Variants in LGI1 observed in about 807,000 individuals in gnomAD.
The protein encoded by LGI1 is leucine rich glioma inactivated 1, also known as leucine-rich glioma-inactivated protein 1.
A neutral mutation model predicts 57.7 loss-of-function variants in LGI1; 11 were observed. The observed-to-expected ratio is 0.19, with a 90% CI of 0.12 to 0.32. LGI1 has a LOEUF of 0.32. LGI1 is among the 10% of genes least tolerant of loss of function. LGI1 has a pLI of 1.00. For missense variants in LGI1, 422 were observed against 661.9 expected (o/e 0.64, Z 3.98); for synonymous variants, 222 against 241.9 (o/e 0.92, Z 0.76).
At chr10:93,762,845 G>A (rs1010145537) in intron 2 of LGI1, 1 of 152,052 alleles carries the variant, frequency 6.6e-6, no homozygotes, top group East Asian at 1.9e-4. Context: ...ATTAATTCTC[G>A]TAACTGCACA....
chr10:93,758,977 T>C lies in LGI1; in HGVS notation c.287+146T>C, dbSNP rs1705200921. On this transcript the variant is annotated intron_variant, in intron 2 of 7. Transcript: ENST00000371418. The surrounding 1 kb of genome is among the most constrained non-coding windows in gnomAD (Gnocchi z 4.7). Reference sequence around the variant, plus strand: ...TCCGTAAAGTGAGAGGTAGATGGGTTTGTTTGCGACTTCACACCAACAGTG... The same window carrying C: ...TCCGTAAAGTGAGAGGTAGATGGGTCTGTTTGCGACTTCACACCAACAGTG... 1.5e-6 allele frequency: 1 copy of C among 687,566 alleles called. No individual in the cohort carries two copies. 42.6% of individuals were successfully genotyped at this position (687,566 alleles called of 1,614,324 possible).
intron 4 of LGI1, among the ~76,000 whole-genome samples, chr10:93,779,873 G>T (rs1029523273): frequency 1.3e-5 from 2 of 152,210 alleles, no homozygotes; most frequent in African/African-American, 4.8e-5. Flanking sequence ...GGGAACAGGG[G>T]TTAAGGCTGT....
chr10:93,758,384 T>C lies in LGI1; in HGVS notation c.215+25T>C. The C allele has an allele frequency of 6.2e-7, 1 of 1,604,696 alleles. No homozygotes were observed. The highest frequency in any genetic ancestry group is 8.5e-7 in the Non-Finnish European group (1 of 1,171,602). On this transcript the variant is annotated intron_variant, in intron 1 of 7. Transcript: ENST00000371418. The surrounding 1 kb of genome is among the most constrained non-coding windows in gnomAD (Gnocchi z 4.7). Reference sequence around the variant, plus strand: ...TGTAAGGCCCGTAAGCATTTTGATATCTAATTTACGATTTAAAAATTCCAG... The same window carrying C: ...TGTAAGGCCCGTAAGCATTTTGATACCTAATTTACGATTTAAAAATTCCAG...
intron 4 of LGI1, among the ~76,000 whole-genome samples, chr10:93,781,816 C>G (rs2059850121): frequency 6.6e-6 from 1 of 152,170 alleles, no homozygotes; most frequent in Non-Finnish European, 1.5e-5. Context: ...TTAAGTGTCA[C>G]TGTGGCTAAG....
chr10:93,777,074 A>C (rs1159161177), intron 2 of LGI1: 3 of 487,318 alleles, frequency 6.2e-6, no homozygotes, highest in Non-Finnish European at 1.1e-5. Context: ...GAAAATATGT[A>C]AAATGTTGCT....
At chr10:93,796,486 G>C (rs1435910271) in intron 7 of LGI1, among the ~76,000 whole-genome samples, 1 of 152,160 alleles carries the variant, frequency 6.6e-6, no homozygotes, top group Non-Finnish European at 1.5e-5. Flanking sequence ...TCTGCCTTCT[G>C]CTACCAGAAC....
At chr10:93,759,942 G>T (rs1336639982) in intron 2 of LGI1, among the ~76,000 whole-genome samples, 6 of 152,180 alleles carry the variant, frequency 3.9e-5, no homozygotes, top group African/African-American at 1.4e-4. Flanking sequence ...CTTTAAAATG[G>T]AAGTGAGAAC....
At chr10:93,790,885 A>T (rs1387633735) in intron 5 of LGI1, 1 of 152,276 alleles carries the variant, frequency 6.6e-6, no homozygotes, top group East Asian at 1.9e-4. Flanking sequence ...CTTCCAGAAC[A>T]TTAGAAAGGT....
chr10:93,797,085 T>C lies in LGI1; in HGVS notation c.956T>C (p.Ile319Thr), dbSNP rs2059986942. 3.1e-6 allele frequency: 5 copies of C among 1,613,142 alleles called. No individual in the cohort carries two copies. Among genetic ancestry groups the C allele is most frequent in the Non-Finnish European group, 4.2e-6 (5 of 1,179,488 alleles). ...YKRDSFANKF[I>T]KIQDIEILKI... ...CGAGACAGTTTTGCAAATAAATTCA[T>C]AAAAATCCAGGATATTGAAATTCTC... Residue 319 changes from isoleucine to threonine, a missense_variant, in exon 8 of 8, where the codon ATA becomes ACA. Physicochemically the swap from Ile to Thr is moderately conservative, Grantham distance 89. Transcript: ENST00000371418. This position sits in a 1 kb window ranked among gnomAD's most constrained non-coding sequence, Gnocchi z 6.5.
At chr10:93,760,271 G>A (rs935428872) in intron 2 of LGI1, among the ~76,000 whole-genome samples, 10 of 152,266 alleles carry the variant, frequency 6.6e-5, no homozygotes, top group Admixed American at 4.6e-4. Flanking sequence ...GTGTGACTGG[G>A]GGAAGTGTTA....
intron 2 of LGI1, chr10:93,764,767 G>A (rs778600260): frequency 6.6e-6 from 1 of 152,178 alleles, no homozygotes; most frequent in Non-Finnish European, 1.5e-5. Context: ...GCTTTGCAAG[G>A]TTCCTGTAAC....
At chr10:93,785,287 G>T (rs149932231) in intron 4 of LGI1, among the ~76,000 whole-genome samples, 5 of 152,044 alleles carry the variant, frequency 3.3e-5, no homozygotes, top group Non-Finnish European at 7.4e-5. Flanking sequence ...TTAGTTTTGT[G>T]GTCTTAACAC....
At chr10:93,773,524 G>A (rs1303660477) in intron 2 of LGI1, among the ~76,000 whole-genome samples, 3 of 152,172 alleles carry the variant, frequency 2.0e-5, no homozygotes, top group Non-Finnish European at 4.4e-5. Flanking sequence ...TGACATGTAG[G>A]CTATTATGAA....
chr10:93,777,112 C>G, intron 2 of LGI1: 1 of 571,762 alleles, frequency 1.7e-6, no homozygotes, highest in African/African-American at 1.9e-5. Flanking sequence ...CATAGCTGCT[C>G]TGATTGTATC....
At chr10:93,796,778 C>A (rs998485392) in intron 7 of LGI1, among the ~76,000 whole-genome samples, 190 bp from the exon 8 acceptor site, 1 of 152,172 alleles carries the variant, frequency 6.6e-6, no homozygotes, top group Non-Finnish European at 1.5e-5. Context: ...CAAGGCCCCA[C>A]GAGGCACAAA....
chr10:93,764,765 A>G (rs2059657030), intron 2 of LGI1: 1 of 152,248 alleles, frequency 6.6e-6, no homozygotes, highest in Non-Finnish European at 1.5e-5. Context: ...ATGCTTTGCA[A>G]GGTTCCTGTA....
At chr10:93,793,054 G>C in intron 6 of LGI1, 132 bp from the exon 7 acceptor site, 1 of 1,138,418 alleles carries the variant, frequency 8.8e-7, no homozygotes, top group Non-Finnish European at 1.3e-6. Flanking sequence ...CATTGACAAT[G>C]CTTCATGTGT....
chr10:93,774,563 T>C (rs1589759808), intron 2 of LGI1, among the ~76,000 whole-genome samples: 1 of 152,214 alleles, frequency 6.6e-6, no homozygotes, highest in East Asian at 1.9e-4. Context: ...AGTCTGCCAA[T>C]TCCAGATCCC....
Position 93,792,890 on chromosome 10 carries a change from G to A in LGI1, c.651G>A (p.Lys217=), listed in dbSNP as rs1292925776. The change falls in exon 6 of 8, where the codon AAG becomes AAA. Residue 217 remains lysine (K), a synonymous_variant. Transcript: ENST00000371418. ...GCAAAATCAATAGTCTCTCCTCGAA[G>A]GATTTTGATTGCATCATTACAGGTA... is the stretch of plus-strand genomic sequence containing the variant. ...KKRKINSLSS[K]DFDCIITEFA... The A allele has an allele frequency of 3.7e-6, 6 of 1,613,854 alleles. No individual in the cohort carries two copies. The highest frequency in any genetic ancestry group is 5.1e-6 in the Non-Finnish European group (6 of 1,179,986).
Sources: allele counts gnomAD v4.1 joint callset (sites outside exome capture counted in the v4.1 genomes callset), GRCh38; gene constraint gnomAD v4.1.1; non-coding constraint Gnocchi (gnomAD v3.1); transcripts MANE v1.5; gene names NCBI Gene and HGNC (gene_info 2026-07-23, HGNC 2026-07-21).